The following MYO5A variants were observed in gnomAD, a reference collection of about 807,000 sequenced individuals.
The protein encoded by MYO5A is unconventional myosin-Va.
A neutral mutation model predicts 249.7 loss-of-function variants in MYO5A; 98 were observed. The ratio of observed to expected loss-of-function variants is 0.39; its 90% CI spans 0.33 to 0.46. The LOEUF (loss-of-function observed/expected upper bound fraction) is 0.46. Among genes scored for constraint, MYO5A ranks in the 20% least tolerant of loss-of-function variants. The probability of loss-of-function intolerance (pLI) is 0.98; values close to 1 mark genes in which losing one functional copy is unlikely to be tolerated. For synonymous variants in MYO5A, 778 were observed against 810.6 expected, an observed-to-expected ratio of 0.96 and a Z score of 0.68; for missense variants, 1,696 against 2,308.8, an observed-to-expected ratio of 0.73 and a Z score of 5.44.
At position 52,423,100 on chromosome 15, in the gene MYO5A, G is replaced by A. The variant is rs1178349705; in HGVS notation, c.455+2730C>T. Among the ~76,000 whole-genome samples, 6 of 152,134 alleles carry A rather than the reference G, an allele frequency of 3.9e-5. No individual in the cohort carries two copies. In the South Asian group the frequency reaches 8.3e-4, roughly 21 times the overall value. ...ATTTAATTTGTATCCCCCATGCCCA[G>A]AACAGTGTCTGGCGTTTGGACGGTG... On this transcript the variant is annotated intron_variant, in intron 4 of 41. Transcript: ENST00000399233.
intron 1 of MYO5A, among the ~76,000 whole-genome samples, chr15:52,458,682 C>A (rs906393449): frequency 6.6e-6 from 1 of 151,528 alleles, no homozygotes; most frequent in Non-Finnish European, 1.5e-5. Flanking sequence ...ATTCTAAATA[C>A]CATATTTGAT....
At chr15:52,438,102 G>A (rs1443155660) in intron 1 of MYO5A, 1 of 971,590 alleles carries the variant, frequency 1.0e-6, no homozygotes, top group Non-Finnish European at 1.2e-6. Flanking sequence ...TATGCCAGAA[G>A]GGGGTCAGTT....
At chr15:52,316,918 G>T in intron 40 of MYO5A, 130 bp downstream of exon 40, 1 of 952,556 alleles carries the variant, frequency 1.0e-6, no homozygotes, top group Non-Finnish European at 1.7e-6. Context: ...ATTGGTAGAG[G>T]CATATATCTT....
At chr15:52,442,951 C>T (rs1294225784) in intron 1 of MYO5A, among the ~76,000 whole-genome samples, 1 of 152,084 alleles carries the variant, frequency 6.6e-6, no homozygotes, top group African/African-American at 2.4e-5. Context: ...AAGGGTTTCA[C>T]CGTGTTAGCC....
At chr15:52,367,172 G>A in intron 22 of MYO5A, 48 bp from the exon 23 acceptor site, 1 of 1,487,584 alleles carries the variant, frequency 6.7e-7, no homozygotes, top group Non-Finnish European at 9.3e-7. Context: ...GACAGAGGAA[G>A]CCTGATGACC....
intron 18 of MYO5A, among the ~76,000 whole-genome samples, chr15:52,378,515 C>CAAAAAAAAAAAAAAAAAAAAAA (rs55803737): frequency 0.026 from 271 of 10,458 alleles, 99 homozygotes; most frequent in Non-Finnish European, 0.074. Flanking sequence ...AAGACTGTCT[C>CAAAAAAAAAAAAAAAAAAAAAA]AAAAAAAAAA....
chr15:52,510,458 G>T (rs74536845), intron 1 of MYO5A, among the ~76,000 whole-genome samples: 1 of 152,070 alleles, frequency 6.6e-6, no homozygotes, highest in Non-Finnish European at 1.5e-5. Flanking sequence ...CTAGGTCAAG[G>T]GTCCCCCATC....
chr15:52,426,341 A>C (rs887015745), intron 3 of MYO5A, among the ~76,000 whole-genome samples: 8 of 149,694 alleles, frequency 5.3e-5, no homozygotes, highest in African/African-American at 2.0e-4. Flanking sequence ...TTTCACAAAG[A>C]TGTTTATCAT....
chr15:52,505,397 C>T, intron 1 of MYO5A: 1 of 791,888 alleles, frequency 1.3e-6, no homozygotes, highest in Non-Finnish European at 2.3e-6. Flanking sequence ...GCCAGCCTGC[C>T]AGGAGTGAAG....
chr15:52,477,058 A>G (rs2076610388), intron 1 of MYO5A, among the ~76,000 whole-genome samples: 1 of 152,170 alleles, frequency 6.6e-6, no homozygotes, highest in African/African-American at 2.4e-5. Context: ...GTCTTTTCAC[A>G]TAGTCCCATA....
chr15:52,461,726 G>T (rs912631177), intron 1 of MYO5A, among the ~76,000 whole-genome samples: 6 of 152,186 alleles, frequency 3.9e-5, no homozygotes, highest in African/African-American at 1.4e-4. Context: ...ACTTTGGGAG[G>T]CTGAGGTGGG....
chr15:52,409,403 T>G (rs948838234), intron 6 of MYO5A, among the ~76,000 whole-genome samples: 1 of 152,214 alleles, frequency 6.6e-6, no homozygotes, highest in Non-Finnish European at 1.5e-5. Flanking sequence ...CTGTTCTGTA[T>G]GTACCTAGAT....
intron 1 of MYO5A, among the ~76,000 whole-genome samples, chr15:52,518,030 A>G (rs2077530475): frequency 6.6e-6 from 1 of 152,142 alleles, no homozygotes; most frequent in Non-Finnish European, 1.5e-5. Flanking sequence ...TAATTTCCCA[A>G]TTAATTTCTT....
chr15:52,442,435 TC>T (rs1385643485), intron 1 of MYO5A, among the ~76,000 whole-genome samples: 3 of 152,080 alleles, frequency 2.0e-5, no homozygotes, highest in African/African-American at 4.8e-5. Context: ...AGCAGAAGTG[TC>T]CTGTACCTCA....
chr15:52,428,888 A>G (rs2075455264), intron 2 of MYO5A, among the ~76,000 whole-genome samples: 2 of 152,194 alleles, frequency 1.3e-5, no homozygotes, highest in African/African-American at 2.4e-5. Context: ...TTTTACCTAT[A>G]AAAAAGTGGC....
chr15:52,437,228 T>A (rs930537322), intron 1 of MYO5A, among the ~76,000 whole-genome samples: 1 of 152,214 alleles, frequency 6.6e-6, no homozygotes, highest in Admixed American at 6.5e-5. Flanking sequence ...AAGCTTACTT[T>A]ACAAAGACAG....
At position 52,330,209 on chromosome 15, in the gene MYO5A, A is replaced by G; in HGVS notation, c.4555+144T>C. 4 of 1,119,718 alleles carry G rather than the reference A, an allele frequency of 3.6e-6. No individual in the cohort carries two copies. The Admixed American group carries it at 6.8e-5, about 19-fold the overall frequency. The allele number at this position is 1,119,718 out of a possible 1,614,324, so 69.4% of individuals were successfully genotyped here. ...GACTGAAAGTGCTTGGTGTGGTCAGAACACTACTGCAGCACTAGAATACAT... is the reference window on the plus strand; with the variant it reads ...GACTGAAAGTGCTTGGTGTGGTCAGGACACTACTGCAGCACTAGAATACAT... On this transcript the variant is annotated intron_variant, in intron 35 of 41. Coordinates refer to ENST00000399233, the MANE Select transcript of MYO5A (RefSeq NM_001382347.1).
intron 1 of MYO5A, among the ~76,000 whole-genome samples, chr15:52,478,351 T>A (rs962066357): frequency 1.3e-5 from 2 of 152,194 alleles, no homozygotes; most frequent in African/African-American, 4.8e-5. Context: ...CCCGACCCCT[T>A]GTGCTTCCTG....
intron 4 of MYO5A, 96 bp from the exon 5 acceptor site, chr15:52,416,397 T>C (rs1003785516): frequency 6.6e-6 from 9 of 1,368,856 alleles, no homozygotes; most frequent in Non-Finnish European, 8.1e-6. Context: ...AGGGGGCTAA[T>C]TAATGGATTT....
Sources: allele counts gnomAD v4.1 joint callset (sites outside exome capture counted in the v4.1 genomes callset), GRCh38; gene constraint gnomAD v4.1.1; transcripts MANE v1.5; gene names NCBI Gene and HGNC (gene_info 2026-07-23, HGNC 2026-07-21).